PRKCB: variants seen among roughly 807,000 people sequenced by gnomAD.
PRKCB encodes protein kinase C beta type.
Under a neutral mutation model 81.5 loss-of-function variants are expected in PRKCB, and 13 were observed. The ratio of observed to expected loss-of-function variants is 0.16; its 90% CI spans 0.10 to 0.25. PRKCB has a LOEUF of 0.25. Ranked by LOEUF, PRKCB falls within the 10% of genes least tolerant of loss-of-function variation. PRKCB has a pLI of 1.00. For missense variants in PRKCB, 509 were observed against 875.7 expected, an observed-to-expected ratio of 0.58 and a Z score of 5.29; for synonymous variants, 335 against 321.4, an observed-to-expected ratio of 1.04 and a Z score of -0.45.
intron 2 of PRKCB, among the ~76,000 whole-genome samples, chr16:23,852,835 A>G (rs1296324185): frequency 6.6e-6 from 1 of 152,190 alleles, no homozygotes; most frequent in African/African-American, 2.4e-5. Context: ...CTGTTATGCA[A>G]CTCCATTGAC....
At chr16:24,078,095 C>T (rs1470974754) in intron 5 of PRKCB, among the ~76,000 whole-genome samples, 1 of 152,222 alleles carries the variant, frequency 6.6e-6, no homozygotes, top group African/African-American at 2.4e-5. Flanking sequence ...TGCCGACAGA[C>T]AGTTTTGATT....
intron 2 of PRKCB, among the ~76,000 whole-genome samples, chr16:23,936,579 ATTTTTT>A (rs57643578): frequency 5.0e-4 from 48 of 96,036 alleles, no homozygotes; most frequent in South Asian, 7.9e-4. Flanking sequence ...CACCCAACTA[ATTTTTT>A]TTTTTTTTTT....
intron 7 of PRKCB, among the ~76,000 whole-genome samples, chr16:24,095,956 T>A (rs1224557982): frequency 1.3e-5 from 2 of 152,140 alleles, no homozygotes; most frequent in Non-Finnish European, 2.9e-5. Context: ...GGTCCCTCAT[T>A]AGCTTTATGA....
intron 2 of PRKCB, among the ~76,000 whole-genome samples, chr16:23,921,881 T>C (rs1446613793): frequency 6.6e-6 from 1 of 152,126 alleles, no homozygotes. Context: ...AATTCTTGGG[T>C]GGGCATCAAG....
chr16:24,006,672 A>T (rs889198705), intron 3 of PRKCB, among the ~76,000 whole-genome samples: 3 of 152,246 alleles, frequency 2.0e-5, no homozygotes, highest in African/African-American at 7.2e-5. Flanking sequence ...CTTGTGTTAC[A>T]TTCAGCCTAA....
intron 5 of PRKCB, among the ~76,000 whole-genome samples, chr16:24,080,345 G>T (rs1966233600): frequency 6.6e-6 from 1 of 152,234 alleles, no homozygotes; most frequent in East Asian, 1.9e-4. Context: ...TGAATAGTAG[G>T]GACTCAGGTA....
At chr16:23,890,931 G>A (rs1161033013) in intron 2 of PRKCB, among the ~76,000 whole-genome samples, 8 of 152,002 alleles carry the variant, frequency 5.3e-5, no homozygotes, top group African/African-American at 1.9e-4. Context: ...AGATGAATGG[G>A]ACATTTATCT....
chr16:23,901,218 A>G (rs945033750), intron 2 of PRKCB, among the ~76,000 whole-genome samples: 1 of 152,144 alleles, frequency 6.6e-6, no homozygotes, highest in African/African-American at 2.4e-5. Flanking sequence ...CAAATTGCCT[A>G]TAGTTCATAC....
At chr16:24,053,433 A>G (rs1166265082) in intron 5 of PRKCB, among the ~76,000 whole-genome samples, 1 of 152,266 alleles carries the variant, frequency 6.6e-6, no homozygotes, top group East Asian at 1.9e-4. Context: ...TGTGCCAATA[A>G]AACTTTATTT....
At chr16:24,048,041 G>A (rs1956298085) in intron 5 of PRKCB, among the ~76,000 whole-genome samples, 2 of 152,254 alleles carry the variant, frequency 1.3e-5, no homozygotes, top group Non-Finnish European at 1.5e-5. Context: ...GCTAGCCATC[G>A]TGGGGCACAA....
At chr16:24,181,557 A>T (rs1967622064) in intron 13 of PRKCB, among the ~76,000 whole-genome samples, 1 of 152,150 alleles carries the variant, frequency 6.6e-6, no homozygotes, top group Admixed American at 6.5e-5. Context: ...ACTTGAGCCC[A>T]GGAGTTCCAG....
chr16:24,184,116 C>T (rs1165279248), intron 13 of PRKCB, among the ~76,000 whole-genome samples: 1 of 152,124 alleles, frequency 6.6e-6, no homozygotes, highest in Non-Finnish European at 1.5e-5. Context: ...ATGCTATGCA[C>T]AGATAAAAAT....
chr16:24,137,458 G>A (rs1966869037), intron 9 of PRKCB, among the ~76,000 whole-genome samples: 1 of 152,158 alleles, frequency 6.6e-6, no homozygotes, highest in Non-Finnish European at 1.5e-5. Context: ...CAAAGCAGTG[G>A]GATTACAAGT....
At chr16:24,137,145 T>A (rs1966867866) in intron 9 of PRKCB, among the ~76,000 whole-genome samples, 1 of 151,894 alleles carries the variant, frequency 6.6e-6, no homozygotes, top group African/African-American at 2.4e-5. Context: ...TGCCTTGGCC[T>A]CCCAAAGTGC....
intron 15 of PRKCB, among the ~76,000 whole-genome samples, chr16:24,190,192 C>T (rs990230901): frequency 2.0e-5 from 3 of 152,188 alleles, no homozygotes; most frequent in Admixed American, 6.5e-5. Context: ...GGGAAATGAG[C>T]TGGGCTAGGT....
intron 9 of PRKCB, among the ~76,000 whole-genome samples, chr16:24,138,878 A>C (rs1304999067): frequency 8.1e-6 from 1 of 123,534 alleles, no homozygotes; most frequent in African/African-American, 3.2e-5. Flanking sequence ...TTTGAGACAC[A>C]GTCTTGCTCT....
chr16:24,195,132 T>C (rs1272290496), intron 16 of PRKCB, among the ~76,000 whole-genome samples: 2 of 151,386 alleles, frequency 1.3e-5, no homozygotes, highest in Non-Finnish European at 2.9e-5. Context: ...TCCTGGGAGG[T>C]TGAGGCTGCA....
chr16:24,018,131 C>T (rs1241006463), intron 3 of PRKCB, among the ~76,000 whole-genome samples: 1 of 152,110 alleles, frequency 6.6e-6, no homozygotes, highest in African/African-American at 2.4e-5. Flanking sequence ...GATCTCCTGA[C>T]CTCGTGATCC....
chr16:23,917,755 G>A (rs1025220273), intron 2 of PRKCB, among the ~76,000 whole-genome samples: 6 of 152,194 alleles, frequency 3.9e-5, no homozygotes, highest in Non-Finnish European at 8.8e-5. Context: ...TTCATCGCAG[G>A]CCCAGAGAGA....
Sources: gnomAD v4.1 joint callset for allele counts (sites outside exome capture counted in the v4.1 genomes callset) on GRCh38, gnomAD v4.1.1 for gene constraint, MANE v1.5 for transcripts, NCBI Gene and HGNC (gene_info 2026-07-23, HGNC 2026-07-21) for gene names.